ANK3: variants seen among roughly 807,000 people sequenced by gnomAD.
The protein encoded by ANK3 is ankyrin 3, also known as ankyrin-3.
Under a neutral mutation model 370.9 loss-of-function variants are expected in ANK3, and 57 were observed. The ratio of observed to expected loss-of-function variants is 0.15; its 90% CI spans 0.12 to 0.19. ANK3 has a LOEUF of 0.19. ANK3 is among the 10% of genes least tolerant of loss of function. The pLI is 1.00. For missense variants in ANK3, 4,439 were observed against 5,302.1 expected (o/e 0.84, Z 5.06); for synonymous variants, 1,929 against 1,946.3 (o/e 0.99, Z 0.23).
chr10:60,084,009 T>C (rs1482851958), intron 32 of ANK3: 1 of 156,840 alleles, frequency 6.4e-6, no homozygotes, highest in Non-Finnish European at 1.4e-5. Flanking sequence ...TAAACAGTGA[T>C]TCTGAAAAGT....
rs540534932 is a variant in ANK3 at position 60,476,671 on chromosome 10, G to A, written c.96+138515C>T. Among the ~76,000 whole-genome samples, 106 of 152,130 alleles carry A rather than the reference G, an allele frequency of 7.0e-4. 3 individuals are homozygous for A. The South Asian group carries it at 0.02, about 29-fold the overall frequency. ...TACTGAATTTACAGTCAAAATTCTG[G>A]ATATAAATTGGATTTACAGCCAAAA... On this transcript the variant is annotated intron_variant, in intron 2 of 43. Coordinates refer to the ANK3 transcript ENST00000373827.
intron 18 of ANK3, among the ~76,000 whole-genome samples, chr10:60,179,622 G>C (rs10994242): frequency 0.28 from 42,009 of 151,498 alleles, 6,006 homozygotes; most frequent in African/African-American, 0.33. Flanking sequence ...AATCCGGGAG[G>C]TGGAGGTTGC....
chr10:60,727,417 T>C (rs1348254667), intron 1 of ANK3, among the ~76,000 whole-genome samples: 2 of 152,200 alleles, frequency 1.3e-5, no homozygotes, highest in African/African-American at 4.8e-5. Context: ...GGCAGTCTCC[T>C]GGAGGGTTGG....
chr10:60,374,904 C>G (rs77336540), intron 1 of ANK3, among the ~76,000 whole-genome samples: 1 of 151,610 alleles, frequency 6.6e-6, no homozygotes, highest in Non-Finnish European at 1.5e-5. Flanking sequence ...TTTATGTTCA[C>G]ATTATATTTT....
rs368114587 is a variant in ANK3, at chr10:60,279,451, C to A, written c.216+87G>T. 4.4e-4 allele frequency: 463 copies of A among 1,054,420 alleles called. No homozygotes were observed. In the Middle Eastern group the frequency reaches 4.8e-3, roughly 11 times the overall value. The allele number at this position is 1,054,420 out of a possible 1,614,324, so 65.3% of individuals were successfully genotyped here. On this transcript the variant is annotated intron_variant, in intron 2 of 43. Coordinates refer to ENST00000280772, the MANE Select transcript of ANK3 (RefSeq NM_020987.5). ...GCTGATAAAATTCAATGGAAAAAAA[C>A]CCCACAAATAAATGAAGTCTTTAAG... is the stretch of plus-strand genomic sequence containing the variant.
chr10:60,076,575 G>A lies in ANK3; in HGVS notation c.4433-127C>T, dbSNP rs1433861957. 4.0e-6 allele frequency: 5 copies of A among 1,263,704 alleles called. No individual in the cohort carries two copies. In the African/African-American group the frequency reaches 6.0e-5, roughly 15 times the overall value. 78.3% of individuals were successfully genotyped at this position (1,263,704 alleles called of 1,614,324 possible). Reference sequence around the variant, plus strand: ...ATTACAAAAGCAAGTACAATTGTTTGCATGATTTAGAATGGAAGAGGCAAA... The same window carrying A: ...ATTACAAAAGCAAGTACAATTGTTTACATGATTTAGAATGGAAGAGGCAAA... On this transcript the variant is annotated intron_variant, in intron 36 of 43. Transcript: ENST00000280772.
At chr10:60,064,016 T>C (rs2081143284) in intron 39 of ANK3, 141 bp downstream of exon 39, 2 of 716,756 alleles carry the variant, frequency 2.8e-6, no homozygotes, top group Non-Finnish European at 4.2e-6. Flanking sequence ...AAAGACTTGC[T>C]ATTACCTCAT....
intron 2 of ANK3, among the ~76,000 whole-genome samples, chr10:60,517,145 A>G (rs1328122181): frequency 2.6e-5 from 4 of 151,894 alleles, no homozygotes; most frequent in African/African-American, 9.7e-5. Flanking sequence ...GCTCACTGTA[A>G]ACTCCACCTC....
intron 2 of ANK3, among the ~76,000 whole-genome samples, chr10:60,405,304 T>A (rs1357045698): frequency 1.3e-5 from 2 of 152,074 alleles, no homozygotes; most frequent in African/African-American, 4.8e-5. Flanking sequence ...AAACAAACTG[T>A]GGTGTACTCA....
chr10:60,351,047 A>G (rs2056761353), intron 1 of ANK3, among the ~76,000 whole-genome samples: 1 of 152,154 alleles, frequency 6.6e-6, no homozygotes, highest in Non-Finnish European at 1.5e-5. Context: ...TTTTTAAAGA[A>G]ACAATTGGAA....
chr10:60,631,399 G>A (rs1285815023), intron 1 of ANK3, among the ~76,000 whole-genome samples: 1 of 151,988 alleles, frequency 6.6e-6, no homozygotes, highest in Non-Finnish European at 1.5e-5. Context: ...GGGCATGGAG[G>A]TGCGTGCCTC....
chr10:60,266,406 A>G (rs2097880455), intron 5 of ANK3, among the ~76,000 whole-genome samples: 1 of 152,208 alleles, frequency 6.6e-6, no homozygotes, highest in Non-Finnish European at 1.5e-5. Flanking sequence ...TGCAAAAAAA[A>G]GAAAATATGC....
At chr10:60,680,323 G>A (rs540213824) in intron 1 of ANK3, among the ~76,000 whole-genome samples, 1 of 152,322 alleles carries the variant, frequency 6.6e-6, no homozygotes, top group East Asian at 1.9e-4. Flanking sequence ...TAATGGGTAT[G>A]CCTTGAGGCC....
At chr10:60,110,793 T>C (rs1399769037) in intron 26 of ANK3, among the ~76,000 whole-genome samples, 2 of 152,204 alleles carry the variant, frequency 1.3e-5, no homozygotes, top group African/African-American at 4.8e-5. Flanking sequence ...TTAGGAATAA[T>C]AGTAACAGAA....
intron 2 of ANK3, among the ~76,000 whole-genome samples, chr10:60,442,871 T>G (rs949693778): frequency 6.6e-6 from 1 of 152,210 alleles, no homozygotes; most frequent in African/African-American, 2.4e-5. Context: ...GGTGAAATGA[T>G]TTCCCCAAGG....
intron 1 of ANK3, among the ~76,000 whole-genome samples, chr10:60,625,271 A>G (rs1264903890): frequency 6.6e-6 from 1 of 152,166 alleles, no homozygotes; most frequent in Non-Finnish European, 1.5e-5. Context: ...CACACACACA[A>G]GAGACAAGAA....
At chr10:60,136,883 C>A (rs2094367633) in intron 24 of ANK3, among the ~76,000 whole-genome samples, 1 of 152,098 alleles carries the variant, frequency 6.6e-6, no homozygotes, top group Non-Finnish European at 1.5e-5. Context: ...AAATTGTTTT[C>A]AACTAAGGCC....
At chr10:60,352,180 A>G (rs1247279878) in intron 1 of ANK3, among the ~76,000 whole-genome samples, 1 of 152,160 alleles carries the variant, frequency 6.6e-6, no homozygotes, top group African/African-American at 2.4e-5. Context: ...TTGCAAGTCC[A>G]GCTACTCAGG....
chr10:60,396,516 G>A (rs1009079333), intron 2 of ANK3, among the ~76,000 whole-genome samples: 1 of 152,116 alleles, frequency 6.6e-6, no homozygotes, highest in African/African-American at 2.4e-5. Context: ...TATAATTATA[G>A]TTTCCATCAC....
Sources: allele counts gnomAD v4.1 joint callset (sites outside exome capture counted in the v4.1 genomes callset), GRCh38; gene constraint gnomAD v4.1.1; transcripts MANE v1.5; gene names NCBI Gene and HGNC (gene_info 2026-07-23, HGNC 2026-07-21).